The following RPS6KA2 variants were observed in gnomAD, a reference collection of about 807,000 sequenced individuals.
RPS6KA2 encodes ribosomal protein S6 kinase A2.
In RPS6KA2, 42 loss-of-function variants were observed where a neutral mutation model predicts 91.8. The observed-to-expected ratio is 0.46, with a 90% CI of 0.36 to 0.59. The LOEUF is 0.59. RPS6KA2 is among the 20% of genes least tolerant of loss of function. RPS6KA2 has a pLI of 0.00. For synonymous variants in RPS6KA2, 414 were observed against 393.6 expected, an observed-to-expected ratio of 1.05 and a Z score of -0.61; for missense variants, 798 against 978.5, an observed-to-expected ratio of 0.82 and a Z score of 2.46.
rs1562476614 is a variant in RPS6KA2, at chr6:166,413,783, CCTG to C, written c.2076+8_2076+10del. On this transcript the variant is annotated splice_region_variant and intron_variant, in intron 20 of 20. Transcript: ENST00000265678. Reference sequence around the variant, plus strand: ...TCCCACCACTCTGTCCTCACTGTCGCCTGCCGGTACCTTCACCAGGTGCACGTC... The same window carrying C: ...TCCCACCACTCTGTCCTCACTGTCGCCCGGTACCTTCACCAGGTGCACGTC... The C allele has an allele frequency of 6.2e-7, 1 of 1,613,802 alleles. No homozygotes were observed. Among genetic ancestry groups the C allele is most frequent in the African/African-American group, 1.3e-5 (1 of 75,066 alleles).
At chr6:166,497,970 AT>A (rs750750353) in intron 8 of RPS6KA2, among the ~76,000 whole-genome samples, 3 of 142,420 alleles carry the variant, frequency 2.1e-5, no homozygotes, top group Non-Finnish European at 4.6e-5. Flanking sequence ...GGAGAGTGGG[AT>A]TGGGGGAGGG....
Position 166,448,535 on chromosome 6 carries a change from C to T in RPS6KA2, c.1332+189G>A, listed in dbSNP as rs1312001092. On this transcript the variant is annotated intron_variant, in intron 14 of 20. Transcript: ENST00000265678. The surrounding 1 kb of genome is among the most constrained non-coding windows in gnomAD (Gnocchi z 4.7). ...TCAGGTGTCCCTGCTGGAGTCACTG[C>T]ACAGCTGAGCACGTGAGCACATATG... 6.6e-6 allele frequency among the ~76,000 whole-genome samples: 1 copy of T among 152,250 alleles called. No individual in the cohort carries two copies. The highest frequency in any genetic ancestry group is 6.5e-5 in the Admixed American group (1 of 15,292).
chr6:166,461,485 C>T (rs1022997313), intron 11 of RPS6KA2, among the ~76,000 whole-genome samples: 19 of 136,314 alleles, frequency 1.4e-4, no homozygotes, highest in African/African-American at 5.3e-4. Context: ...TGAGAGCAAG[C>T]GAGGGAGAGA....
chr6:166,751,838 A>G (rs1301372742), intron 2 of RPS6KA2, among the ~76,000 whole-genome samples: 1 of 151,892 alleles, frequency 6.6e-6, no homozygotes, highest in Admixed American at 6.6e-5. Context: ...TGACGATTCA[A>G]GGTCAGGCCC....
At chr6:166,815,436 G>C (rs1779737447) in intron 2 of RPS6KA2, among the ~76,000 whole-genome samples, 1 of 152,144 alleles carries the variant, frequency 6.6e-6, no homozygotes, top group Non-Finnish European at 1.5e-5. Flanking sequence ...AGCCCACTGT[G>C]ATTTATAGTC....
At chr6:166,568,743 C>G (rs188753490) in intron 1 of RPS6KA2, among the ~76,000 whole-genome samples, 1 of 151,618 alleles carries the variant, frequency 6.6e-6, no homozygotes, top group African/African-American at 2.4e-5. Context: ...CAGAGCCCTG[C>G]CCTGGAGGTG....
Position 166,459,346 on chromosome 6 carries a change from T to C in RPS6KA2, c.1075+103A>G, listed in dbSNP as rs565996470. 1.3e-3 allele frequency: 882 copies of C among 703,626 alleles called. 1 individual carries two copies. Among genetic ancestry groups the C allele is most frequent in the Non-Finnish European group, 1.9e-3 (780 of 412,320 alleles). 43.6% of individuals were successfully genotyped at this position (703,626 alleles called of 1,614,324 possible). A position where few individuals can be genotyped will look rare whatever the true frequency, so the allele number is the denominator to read the frequency against. On this transcript the variant is annotated intron_variant, in intron 12 of 20. Coordinates refer to ENST00000265678, the MANE Select transcript of RPS6KA2 (RefSeq NM_021135.6). This position sits in a 1 kb window ranked among gnomAD's most constrained non-coding sequence, Gnocchi z 4.9. ...AAACAGAATGGACAGTTATTTTCCA[T>C]GAAAAGAATTCTGAGGCATGGGAAT...
intron 15 of RPS6KA2, among the ~76,000 whole-genome samples, chr6:166,431,532 A>C (rs975574447): frequency 1.3e-5 from 2 of 152,232 alleles, no homozygotes; most frequent in African/African-American, 4.8e-5. Context: ...CTGTTGCTTC[A>C]GAGAAGCAAT....
intron 1 of RPS6KA2, among the ~76,000 whole-genome samples, chr6:166,548,396 T>C (rs929714304): frequency 2.0e-5 from 3 of 152,104 alleles, no homozygotes; most frequent in African/African-American, 7.2e-5. Context: ...ATACCCAATT[T>C]TGAAAAAACA....
At chr6:166,497,781 G>A (rs531745101) in intron 8 of RPS6KA2, among the ~76,000 whole-genome samples, 119 of 152,338 alleles carry the variant, frequency 7.8e-4, no homozygotes, top group African/African-American at 2.8e-3. Context: ...CGCCAGCGGA[G>A]CAACCTTCAT....
chr6:166,478,113 C>T (rs1298015157), intron 10 of RPS6KA2, among the ~76,000 whole-genome samples: 1 of 152,188 alleles, frequency 6.6e-6, no homozygotes, highest in Non-Finnish European at 1.5e-5. Context: ...GCATGTGGCC[C>T]CACAGGTGGT....
rs947149206 is a variant in RPS6KA2, at chr6:166,670,625, A to C, written c.124-131841T>G. On this transcript the variant is annotated intron_variant, in intron 2 of 21. Transcript: ENST00000503859. ...AAGTGTGATCTTAATTTTAGACATCAAGATTATCCAGGTAAAGTGGGCTTT... is the reference window on the plus strand; with the variant it reads ...AAGTGTGATCTTAATTTTAGACATCCAGATTATCCAGGTAAAGTGGGCTTT... Among the ~76,000 whole-genome samples the C allele has an allele frequency of 1.2e-4, 18 of 152,330 alleles. No individual in the cohort carries two copies. In the East Asian group the frequency reaches 3.5e-3, roughly 29 times the overall value.
chr6:166,725,764 T>TTCCCGAGGAACGTCCCGA (rs952826941), intron 2 of RPS6KA2, among the ~76,000 whole-genome samples: 6 of 152,202 alleles, frequency 3.9e-5, no homozygotes, highest in Non-Finnish European at 8.8e-5. Flanking sequence ...CGGGCCAGCG[T>TTCCCGAGGAACGTCCCGA]GGACGTTCCC....
intron 1 of RPS6KA2, among the ~76,000 whole-genome samples, chr6:166,574,142 G>GT (rs571181657): frequency 6.6e-6 from 1 of 152,162 alleles, no homozygotes; most frequent in African/African-American, 2.4e-5. Flanking sequence ...GTGCAAGAGG[G>GT]TTTTTTAATT....
chr6:166,690,773 A>G (rs1789183974), intron 2 of RPS6KA2, among the ~76,000 whole-genome samples: 1 of 152,128 alleles, frequency 6.6e-6, no homozygotes, highest in South Asian at 2.1e-4. Flanking sequence ...GACGTACACC[A>G]TCTACTTAGC....
In RPS6KA2 at chr6:166,419,845, T is replaced by C. The variant is rs1273688012; in HGVS notation, c.1820+37A>G. On this transcript the variant is annotated intron_variant, in intron 18 of 20. Coordinates refer to ENST00000265678, the MANE Select transcript of RPS6KA2 (RefSeq NM_021135.6). This position sits in a 1 kb window ranked among gnomAD's most constrained non-coding sequence, Gnocchi z 5.6. ...ATCAGCCACTGAGGCTGCTGCCCTG[T>C]GTCTCCTCCTGACACCTGTTTGAGG... is the stretch of plus-strand genomic sequence containing the variant. 1.3e-6 allele frequency: 2 copies of C among 1,581,548 alleles called. No homozygotes were observed. The highest frequency in any genetic ancestry group is 1.7e-6 in the Non-Finnish European group (2 of 1,150,784).
At chr6:166,610,674 TA>T (rs1456543624) in intron 1 of RPS6KA2, among the ~76,000 whole-genome samples, 1 of 152,180 alleles carries the variant, frequency 6.6e-6, no homozygotes, top group African/African-American at 2.4e-5. Context: ...TCACTGCAGT[TA>T]AAAGGCAGCG....
chr6:166,500,497 G>C lies in RPS6KA2; in HGVS notation c.604+390C>G, dbSNP rs1354288947. ...CAGGCCGCACTCCAGCGAGACTCCA[G>C]ATGTCTGCCCTCAGGTTGGCACTGG... On this transcript the variant is annotated intron_variant, in intron 7 of 20. Coordinates refer to ENST00000265678, the MANE Select transcript of RPS6KA2 (RefSeq NM_021135.6). This position sits in a 1 kb window ranked among gnomAD's most constrained non-coding sequence, Gnocchi z 4.3. 6.6e-6 allele frequency among the ~76,000 whole-genome samples: 1 copy of C among 152,182 alleles called. No individual in the cohort carries two copies. Among genetic ancestry groups the C allele is most frequent in the Non-Finnish European group, 1.5e-5 (1 of 68,040 alleles).
At position 166,756,428 on chromosome 6, in the gene RPS6KA2, G is replaced by A. The variant is rs1212735678; in HGVS notation, c.123+101772C>T. ...TTTTTCTTTTTAAAAAGAATTACAT[G>A]AGTTACACTTAACAGCAATTTCTCA... On this transcript the variant is annotated intron_variant, in intron 2 of 21. Coordinates refer to the RPS6KA2 transcript ENST00000503859. 2.0e-5 allele frequency among the ~76,000 whole-genome samples: 3 copies of A among 152,200 alleles called. No homozygotes were observed. In the East Asian group the frequency reaches 5.8e-4, roughly 29 times the overall value.
Sources: allele counts gnomAD v4.1 joint callset (sites outside exome capture counted in the v4.1 genomes callset), GRCh38; gene constraint gnomAD v4.1.1; non-coding constraint Gnocchi (gnomAD v3.1); transcripts MANE v1.5; gene names NCBI Gene and HGNC (gene_info 2026-07-23, HGNC 2026-07-21).